Variants in ACTR3C observed in about 807,000 individuals in gnomAD.
ACTR3C encodes actin related protein 3C.
ACTR3C carries 18 observed loss-of-function variants against 26.3 expected under a neutral mutation model. That is an observed-to-expected ratio of 0.68 (90% CI 0.47 to 1.01). The LOEUF is 1.01. ACTR3C is among the 50% of genes least tolerant of loss of function. The pLI, the probability that ACTR3C is intolerant of heterozygous loss-of-function variation, is 0.00. For missense variants in ACTR3C, 184 were observed against 250.7 expected (o/e 0.73, Z 1.80); for synonymous variants, 55 against 94.5 (o/e 0.58, Z 2.42).
At chr7:149,890,536 CT>C in the ACTR3C span, among the ~76,000 whole-genome samples, 2 of 150,702 alleles carry the variant, frequency 1.3e-5, no homozygotes, top group South Asian at 4.2e-4. Flanking sequence ...TTACAATCAT[CT>C]TGCTATGTCT....
At chr7:150,214,352 TA>T in the ACTR3C span, among the ~76,000 whole-genome samples, 93 of 151,348 alleles carry the variant, frequency 6.1e-4, no homozygotes, top group East Asian at 1.7e-3. Context: ...CATGATGAAT[TA>T]AAAAAAAATC....
intron 1 of ACTR3C, among the ~76,000 whole-genome samples, chr7:150,318,190 G>A (rs1051617044): frequency 6.6e-6 from 1 of 152,162 alleles, no homozygotes; most frequent in African/African-American, 2.4e-5. Context: ...GAGGTTTCCT[G>A]CGGTTTGGAT....
the ACTR3C span, among the ~76,000 whole-genome samples, chr7:150,039,735 C>CG: frequency 9.8e-6 from 1 of 102,084 alleles, no homozygotes; most frequent in African/African-American, 3.4e-5. Flanking sequence ...CCCACCCTCG[C>CG]GGGGGGTGCC....
At chr7:150,040,069 C>T in the ACTR3C span, among the ~76,000 whole-genome samples, 1 of 137,684 alleles carries the variant, frequency 7.3e-6, no homozygotes, top group Non-Finnish European at 1.6e-5. Context: ...TGCCTCCCCC[C>T]ACTGCGATGG....
chr7:149,884,721 G>C, the ACTR3C span, among the ~76,000 whole-genome samples: 2 of 152,334 alleles, frequency 1.3e-5, no homozygotes, highest in Non-Finnish European at 2.9e-5. Flanking sequence ...CTCTCCAGCT[G>C]CCTCTGCCCC....
At chr7:149,908,090 A>C in the ACTR3C span, among the ~76,000 whole-genome samples, 1 of 151,896 alleles carries the variant, frequency 6.6e-6, no homozygotes, top group Non-Finnish European at 1.5e-5. Flanking sequence ...AGAGAAAGAG[A>C]CACCAGCGAG....
chr7:149,994,764 T>C, the ACTR3C span, among the ~76,000 whole-genome samples: 2 of 151,162 alleles, frequency 1.3e-5, no homozygotes, highest in African/African-American at 2.4e-5. Context: ...AGGCAGGAAA[T>C]AGAAATCCAA....
intron 1 of ACTR3C, among the ~76,000 whole-genome samples, chr7:150,305,204 T>C (rs1194631337): frequency 6.6e-6 from 1 of 152,172 alleles, no homozygotes; most frequent in Non-Finnish European, 1.5e-5. Context: ...TCCCACTGAC[T>C]CAGAGCTGCA....
chr7:150,286,307 C>T, intron 5 of ACTR3C, 60 bp downstream of exon 5: 1 of 1,566,774 alleles, frequency 6.4e-7, no homozygotes, highest in Non-Finnish European at 8.7e-7. Context: ...TCTTTCTACA[C>T]TCTGGGTGGC....
chr7:150,048,092 C>T, the ACTR3C span, among the ~76,000 whole-genome samples: 1 of 152,152 alleles, frequency 6.6e-6, no homozygotes, highest in Non-Finnish European at 1.5e-5. Flanking sequence ...GAAGCCGGGG[C>T]TCTGGCTGTT....
the ACTR3C span, among the ~76,000 whole-genome samples, chr7:150,180,059 A>C: frequency 4.5e-4 from 68 of 151,184 alleles, 1 homozygote; most frequent in African/African-American, 1.6e-3. Context: ...TAATCCCAGC[A>C]CTTTGGGAGG....
the ACTR3C span, among the ~76,000 whole-genome samples, chr7:149,961,133 G>A: frequency 1.3e-5 from 2 of 151,776 alleles, no homozygotes; most frequent in East Asian, 1.9e-4. Flanking sequence ...CACAGGAAGT[G>A]CACAGATAGG....
chr7:150,319,471 T>G (rs530820216), intron 1 of ACTR3C, among the ~76,000 whole-genome samples: 29 of 152,164 alleles, frequency 1.9e-4, no homozygotes, highest in Non-Finnish European at 4.1e-4. Context: ...CCTCCCAAAG[T>G]GCTGGGATTA....
the ACTR3C span, among the ~76,000 whole-genome samples, chr7:150,118,016 A>G: frequency 6.6e-6 from 1 of 152,236 alleles, no homozygotes; most frequent in African/African-American, 2.4e-5. Flanking sequence ...AGAAAAACTA[A>G]CAAACAGAAA....
chr7:150,090,336 T>C, the ACTR3C span, among the ~76,000 whole-genome samples: 1 of 152,252 alleles, frequency 6.6e-6, no homozygotes, highest in African/African-American at 2.4e-5. Flanking sequence ...TGGGCTTCCA[T>C]TGTATGTGTC....
chr7:150,203,659 T>C, the ACTR3C span, among the ~76,000 whole-genome samples: 6 of 152,116 alleles, frequency 3.9e-5, no homozygotes, highest in Non-Finnish European at 7.4e-5. Flanking sequence ...TCCACCTCCC[T>C]GGTTCAAGGG....
the ACTR3C span, among the ~76,000 whole-genome samples, chr7:150,186,920 C>G: frequency 6.6e-6 from 1 of 151,968 alleles, no homozygotes; most frequent in Non-Finnish European, 1.5e-5. Flanking sequence ...TTCTGGGAAC[C>G]ATTCGATTTG....
At chr7:150,111,950 T>C in the ACTR3C span, among the ~76,000 whole-genome samples, 9 of 152,084 alleles carry the variant, frequency 5.9e-5, 1 homozygote, top group East Asian at 1.8e-3. Context: ...CGCTGACTCC[T>C]CGTTTTTTAA....
At chr7:150,084,993 T>G in the ACTR3C span, among the ~76,000 whole-genome samples, 1 of 152,010 alleles carries the variant, frequency 6.6e-6, no homozygotes. Flanking sequence ...GCTGAATGGT[T>G]AAATGAGGTG....
Sources: allele counts gnomAD v4.1 joint callset (sites outside exome capture counted in the v4.1 genomes callset), GRCh38; gene constraint gnomAD v4.1.1; transcripts MANE v1.5; gene names NCBI Gene and HGNC (gene_info 2026-07-23, HGNC 2026-07-21).